Variants in SELENOT observed in about 807,000 individuals in gnomAD.
SELENOT encodes the protein selenoprotein T, also known as thioredoxin reductase-like selenoprotein T.
A neutral mutation model predicts 24.3 loss-of-function variants in SELENOT; 9 were observed. The ratio of observed to expected loss-of-function variants is 0.37; its 90% confidence interval spans 0.22 to 0.65. The LOEUF (loss-of-function observed/expected upper bound fraction) is 0.65, where lower values mean the gene tolerates loss of function less well. Ranked by LOEUF, SELENOT falls within the 30% of genes least tolerant of loss-of-function variation. The pLI is 0.60. For missense variants in SELENOT, 166 were observed against 247.6 expected (o/e 0.67, Z 2.21); for synonymous variants, 81 against 86.0 (o/e 0.94, Z 0.32).
chr3:150,607,472 T>C, intron 1 of SELENOT, among the ~76,000 whole-genome samples: 1 of 152,254 alleles, frequency 6.6e-6, no homozygotes, highest in African/African-American at 2.4e-5. Context: ...GCACTTACTC[T>C]GTGCAGGCAC....
In SELENOT at chr3:150,603,354, T is replaced by C. The variant is rs770267332; in HGVS notation, c.-9T>C. 3.4e-5 allele frequency: 55 copies of C among 1,608,188 alleles called. No homozygotes were observed. The highest frequency in any genetic ancestry group is 4.1e-5 in the Non-Finnish European group (48 of 1,176,120). On this transcript the variant is annotated 5_prime_UTR_variant, in exon 1 of 6. Transcript: ENST00000471696. The stretch of plus-strand genomic sequence containing the variant: ...TCTGAGGGCGGCCGAAGTGGCTGGC[T>C]CATTTAAGATGAGGCTTCTGCTGCT...
intron 4 of SELENOT, among the ~76,000 whole-genome samples, chr3:150,626,620 G>A (rs1208933700): frequency 6.6e-6 from 1 of 151,954 alleles, no homozygotes; most frequent in African/African-American, 2.4e-5. Flanking sequence ...GCTACTTTCT[G>A]GTCTTTACAT....
intron 1 of SELENOT, chr3:150,611,176 GA>G: frequency 2.8e-6 from 2 of 716,042 alleles, no homozygotes; most frequent in East Asian, 2.8e-5. Flanking sequence ...ATCTTTTGCA[GA>G]AAAAATACAC....
chr3:150,621,561 T>A (rs1351406405), intron 1 of SELENOT, among the ~76,000 whole-genome samples: 2 of 151,216 alleles, frequency 1.3e-5, no homozygotes, highest in African/African-American at 4.8e-5. Context: ...CTTCTGTTGA[T>A]ATAAATGTAC....
At chr3:150,623,209 G>A in intron 3 of SELENOT, 40 bp downstream of exon 3, 1 of 1,512,970 alleles carries the variant, frequency 6.6e-7, no homozygotes, top group Non-Finnish European at 8.9e-7. Flanking sequence ...AGGTTTTTAT[G>A]TTGTCAGTGA....
Position 150,622,493 on chromosome 3 carries a change from T to C in SELENOT, c.246T>C (p.Tyr82=), listed in dbSNP as rs1156916510. The C allele has an allele frequency of 2.1e-6, 3 of 1,400,774 alleles. No individual in the cohort carries two copies. The highest frequency in any genetic ancestry group is 2.6e-5 in the Admixed American group (1 of 39,182). The allele number at this position is 1,400,774 out of a possible 1,614,324, so 86.8% of individuals were successfully genotyped here. A position where few individuals can be genotyped will look rare whatever the true frequency, so the allele number is the denominator to read the frequency against. The part of the protein sequence containing the change: ...EGENYLPQPI[Y]RHIASFLSVF... The stretch of plus-strand genomic sequence containing the variant: ...AGAATTACCTCCCTCAACCAATATA[T>C]AGGTAAGAAATTTTAATAACTTAAA... Residue 82 remains tyrosine, a splice_region_variant and synonymous_variant, in exon 2 of 6, where the codon TAT becomes TAC. Coordinates refer to ENST00000471696, the MANE Select transcript of SELENOT (RefSeq NM_016275.5).
At chr3:150,625,571 G>T (rs1726421716) in intron 4 of SELENOT, among the ~76,000 whole-genome samples, 1 of 151,850 alleles carries the variant, frequency 6.6e-6, no homozygotes, top group South Asian at 2.1e-4. Context: ...ACCCTCTTCT[G>T]CATTCTCTAA....
rs529875042 is a variant in SELENOT, at chr3:150,629,520, C to T, written c.*1891C>T. ...GACATTCCACTAGTGCCATAGTTAA[C>T]TTCATGACATGTAGACATTCAAAAC... On this transcript the variant is annotated 3_prime_UTR_variant, in exon 6 of 6. Coordinates refer to ENST00000471696, the MANE Select transcript of SELENOT (RefSeq NM_016275.5). 9 of 152,756 alleles carry T rather than the reference C, an allele frequency of 5.9e-5. No individual in the cohort carries two copies. The South Asian group carries it at 1.9e-3, about 32-fold the overall frequency. 9.5% of individuals were successfully genotyped at this position (152,756 alleles called of 1,614,324 possible).
intron 2 of SELENOT, 110 bp from the exon 3 acceptor site, chr3:150,622,933 A>T: frequency 1.0e-6 from 1 of 954,658 alleles, no homozygotes; most frequent in Non-Finnish European, 1.4e-6. Flanking sequence ...TTCTATAAGT[A>T]ACTTTTAGAT....
rs1215746737 is a variant in SELENOT at position 150,627,875 on chromosome 3, A to G, written c.*246A>G. The G allele has an allele frequency of 2.0e-5, 3 of 152,188 alleles. No individual in the cohort carries two copies. Among genetic ancestry groups the G allele is most frequent in the African/African-American group, 7.2e-5 (3 of 41,444 alleles). 9.4% of individuals were successfully genotyped at this position (152,188 alleles called of 1,614,324 possible). ...TGTATAGCTTTCCCCACCTCCCACA[A>G]AATCACCCAGTTAATGTGTGTGTGT... On this transcript the variant is annotated 3_prime_UTR_variant, in exon 6 of 6. Coordinates refer to ENST00000471696, the MANE Select transcript of SELENOT (RefSeq NM_016275.5).
chr3:150,623,011 T>C, intron 2 of SELENOT, 32 bp from the exon 3 acceptor site: 2 of 1,491,610 alleles, frequency 1.3e-6, no homozygotes, highest in Non-Finnish European at 1.8e-6. Context: ...AAATTGTGGC[T>C]TCTGATGATT....
intron 3 of SELENOT, among the ~76,000 whole-genome samples, chr3:150,624,444 T>C (rs1726399695): frequency 1.3e-5 from 2 of 152,196 alleles, no homozygotes; most frequent in Non-Finnish European, 2.9e-5. Context: ...TGACTTAAAA[T>C]GATTTGTTTG....
At chr3:150,624,182 G>T (rs1559898845) in intron 3 of SELENOT, among the ~76,000 whole-genome samples, 1 of 152,072 alleles carries the variant, frequency 6.6e-6, no homozygotes, top group East Asian at 1.9e-4. Flanking sequence ...ACCCCACCTA[G>T]CTCCTGTGGG....
chr3:150,614,972 G>C (rs1300494713), intron 1 of SELENOT, among the ~76,000 whole-genome samples: 1 of 148,054 alleles, frequency 6.8e-6, no homozygotes, highest in African/African-American at 2.5e-5. Context: ...CCACTAACTC[G>C]TCATCTAGCA....
intron 1 of SELENOT, among the ~76,000 whole-genome samples, chr3:150,617,934 G>A (rs1307911601): frequency 6.6e-6 from 1 of 152,092 alleles, no homozygotes; most frequent in East Asian, 1.9e-4. Flanking sequence ...TTGGCTCACT[G>A]CAACCCCCGC....
At chr3:150,609,213 C>T (rs375726602) in intron 1 of SELENOT, among the ~76,000 whole-genome samples, 7 of 152,140 alleles carry the variant, frequency 4.6e-5, no homozygotes, top group African/African-American at 1.4e-4. Context: ...GAATACACTG[C>T]GCCATCAGTA....
intron 3 of SELENOT, 51 bp from the exon 4 acceptor site, chr3:150,624,761 C>T: frequency 1.8e-6 from 2 of 1,134,312 alleles, no homozygotes; most frequent in Non-Finnish European, 2.5e-6. Flanking sequence ...TTAAAAAGAG[C>T]ATTTACCAAA....
In SELENOT at chr3:150,623,076, A is replaced by G. The variant is rs774134192; in HGVS notation, c.282A>G (p.Leu94=). 2 of 1,593,120 alleles carry G rather than the reference A, an allele frequency of 1.3e-6. No individual in the cohort carries two copies. Among genetic ancestry groups the G allele is most frequent in the Non-Finnish European group, 1.7e-6 (2 of 1,170,810 alleles). ...HIASFLSVFK[L]VLIGLIIVGK... is the part of the protein sequence containing the mutation. ...CATCTTTCCTGTCAGTCTTCAAACT[A>G]GTATTAATAGGCTTAATAATTGTTG... The change falls in exon 3 of 6, where the codon CTA becomes CTG. Residue 94 remains leucine (L), a synonymous_variant. Transcript: ENST00000471696.
chr3:150,613,347 T>C (rs1232670609), intron 1 of SELENOT, among the ~76,000 whole-genome samples: 3 of 152,218 alleles, frequency 2.0e-5, no homozygotes, highest in Non-Finnish European at 4.4e-5. Context: ...ATGCTTTTTG[T>C]AGGACATATT....
Sources: gnomAD v4.1 joint callset for allele counts (sites outside exome capture counted in the v4.1 genomes callset) on GRCh38, gnomAD v4.1.1 for gene constraint, MANE v1.5 for transcripts, NCBI Gene and HGNC (gene_info 2026-07-23, HGNC 2026-07-21) for gene names.